PRKCA: variants seen among roughly 807,000 people sequenced by gnomAD.
PRKCA encodes protein kinase C alpha.
A neutral mutation model predicts 87.0 loss-of-function variants in PRKCA; 27 were observed. The observed-to-expected ratio is 0.31, with a 90% CI of 0.23 to 0.43. The LOEUF (loss-of-function observed/expected upper bound fraction) is 0.43. PRKCA is among the 20% of genes least tolerant of loss of function. The pLI is 1.00. For synonymous variants in PRKCA, 329 were observed against 311.1 expected, an observed-to-expected ratio of 1.06 and a Z score of -0.61; for missense variants, 518 against 852.3, an observed-to-expected ratio of 0.61 and a Z score of 4.88.
chr17:66,618,942 T>C (rs1970592263), intron 3 of PRKCA, among the ~76,000 whole-genome samples: 1 of 150,656 alleles, frequency 6.6e-6, no homozygotes, highest in Non-Finnish European at 1.5e-5. Context: ...ATCTTGAGAC[T>C]TTCCCCAGGA....
intron 5 of PRKCA, among the ~76,000 whole-genome samples, chr17:66,676,941 C>A (rs1371528322): frequency 6.6e-6 from 1 of 152,126 alleles, no homozygotes; most frequent in Admixed American, 6.5e-5. Context: ...GCAGAAGGAA[C>A]CTAAGGGAAG....
At chr17:66,532,304 C>A (rs149446223) in intron 3 of PRKCA, among the ~76,000 whole-genome samples, 3 of 144,614 alleles carry the variant, frequency 2.1e-5, no homozygotes, top group South Asian at 2.5e-4. Flanking sequence ...CCCTCCCCCC[C>A]CACCCCCACC....
chr17:66,417,432 CTTACTG>C (rs941934381), intron 2 of PRKCA, among the ~76,000 whole-genome samples: 6 of 152,074 alleles, frequency 3.9e-5, no homozygotes, highest in Non-Finnish European at 8.8e-5. Context: ...ATCTTTGGTT[CTTACTG>C]TCCTGTGTTG....
intron 16 of PRKCA, among the ~76,000 whole-genome samples, chr17:66,797,536 G>T (rs1251983602): frequency 1.3e-5 from 2 of 152,154 alleles, no homozygotes; most frequent in Admixed American, 1.3e-4. Flanking sequence ...TGTCTGTCCT[G>T]CCTCCTCGCT....
intron 13 of PRKCA, among the ~76,000 whole-genome samples, chr17:66,747,820 G>T (rs1228554291): frequency 1.3e-5 from 2 of 152,218 alleles, no homozygotes; most frequent in Non-Finnish European, 2.9e-5. Context: ...TAGAAACCAA[G>T]GGTGATCCAG....
intron 14 of PRKCA, among the ~76,000 whole-genome samples, chr17:66,780,495 G>C (rs1975178281): frequency 6.6e-6 from 1 of 152,100 alleles, no homozygotes; most frequent in South Asian, 2.1e-4. Context: ...GGCCAAGATG[G>C]TGAAACCCCA....
At chr17:66,626,329 A>G (rs1970854709) in intron 3 of PRKCA, among the ~76,000 whole-genome samples, 1 of 148,190 alleles carries the variant, frequency 6.7e-6, no homozygotes, top group Admixed American at 6.7e-5. Context: ...CTGGGACCAT[A>G]GGTGCACACC....
At chr17:66,563,718 T>C (rs955730297) in intron 3 of PRKCA, among the ~76,000 whole-genome samples, 1 of 152,202 alleles carries the variant, frequency 6.6e-6, no homozygotes, top group Non-Finnish European at 1.5e-5. Flanking sequence ...TGTGCTGACC[T>C]GTGTGGTTCA....
At position 66,413,543 on chromosome 17, in the gene PRKCA, G is replaced by T. The variant is rs138282706; in HGVS notation, c.206-82658G>T. ...AATCAGATGATTTTCCTGGCAACCA[G>T]CCACCTACGCATCAGGAGACTATTG... On this transcript the variant is annotated intron_variant, in intron 2 of 16. Coordinates refer to ENST00000413366, the MANE Select transcript of PRKCA (RefSeq NM_002737.3). Among the ~76,000 whole-genome samples, 12 of 152,278 alleles carry T rather than the reference G, an allele frequency of 7.9e-5. No homozygotes were observed. In the East Asian group the frequency reaches 1.9e-3, roughly 25 times the overall value.
chr17:66,751,492 C>A (rs1430434557), intron 13 of PRKCA, among the ~76,000 whole-genome samples: 1 of 152,230 alleles, frequency 6.6e-6, no homozygotes, highest in Non-Finnish European at 1.5e-5. Flanking sequence ...GACTTTGAGA[C>A]TTCTTGGTTC....
At chr17:66,622,701 G>C (rs1420564844) in intron 3 of PRKCA, among the ~76,000 whole-genome samples, 1 of 152,234 alleles carries the variant, frequency 6.6e-6, no homozygotes, top group African/African-American at 2.4e-5. Context: ...TGGACTCACA[G>C]TTCCATGTGG....
Position 66,338,032 on chromosome 17 carries a change from G to C in PRKCA, c.205+31905G>C, listed in dbSNP as rs142943476. The stretch of plus-strand genomic sequence containing the variant: ...CCTCCGCCCCCCTTAATTTCCAATT[G>C]AGTAGTGATTTTTTGTGGTTGGAGA... On this transcript the variant is annotated intron_variant, in intron 2 of 16. Coordinates refer to ENST00000413366, the MANE Select transcript of PRKCA (RefSeq NM_002737.3). Among the ~76,000 whole-genome samples the C allele has an allele frequency of 5.0e-5, 6 of 119,410 alleles. No individual in the cohort carries two copies. The East Asian group carries it at 1.3e-3, about 25-fold the overall frequency. 78.3% of individuals were successfully genotyped at this position (119,410 alleles called of 152,430 possible).
intron 8 of PRKCA, among the ~76,000 whole-genome samples, chr17:66,723,977 A>C (rs527855513): frequency 6.6e-6 from 1 of 152,220 alleles, no homozygotes; most frequent in Non-Finnish European, 1.5e-5. Context: ...CTCAGAGACG[A>C]GTGAATTTGA....
intron 2 of PRKCA, among the ~76,000 whole-genome samples, chr17:66,360,460 A>G (rs1457570523): frequency 6.6e-6 from 1 of 152,220 alleles, no homozygotes; most frequent in Admixed American, 6.5e-5. Flanking sequence ...TTTAGCAGGC[A>G]TGGCCTGGTC....
intron 5 of PRKCA, among the ~76,000 whole-genome samples, chr17:66,685,972 G>C (rs1972615698): frequency 6.6e-6 from 1 of 152,172 alleles, no homozygotes; most frequent in African/African-American, 2.4e-5. Context: ...CCGGTCCAGG[G>C]ACCACACTGT....
intron 2 of PRKCA, among the ~76,000 whole-genome samples, chr17:66,376,661 C>A (rs1750495834): frequency 6.6e-6 from 1 of 151,928 alleles, no homozygotes; most frequent in Non-Finnish European, 1.5e-5. Flanking sequence ...GGTGAGGACC[C>A]CTCCACCCCA....
intron 2 of PRKCA, among the ~76,000 whole-genome samples, chr17:66,354,772 A>G (rs1297801668): frequency 6.6e-6 from 1 of 152,190 alleles, no homozygotes; most frequent in Non-Finnish European, 1.5e-5. Context: ...TTAAAAGATG[A>G]TATTGCCTTG....
intron 3 of PRKCA, among the ~76,000 whole-genome samples, chr17:66,594,125 C>T (rs1488244338): frequency 1.3e-5 from 2 of 152,182 alleles, no homozygotes; most frequent in Admixed American, 1.3e-4. Context: ...GGTGGTTTCC[C>T]TGAAGGTCTG....
chr17:66,632,656 A>C (rs1413686334), intron 3 of PRKCA, among the ~76,000 whole-genome samples: 1 of 152,180 alleles, frequency 6.6e-6, no homozygotes, highest in African/African-American at 2.4e-5. Context: ...TTTACATAAA[A>C]GTCATTATAT....
Sources: gnomAD v4.1 joint callset for allele counts (sites outside exome capture counted in the v4.1 genomes callset) on GRCh38, gnomAD v4.1.1 for gene constraint, MANE v1.5 for transcripts, NCBI Gene and HGNC (gene_info 2026-07-23, HGNC 2026-07-21) for gene names.